AGK: variants seen among roughly 807,000 people sequenced by gnomAD.
The protein encoded by AGK is acylglycerol kinase.
In AGK, 52 loss-of-function variants were observed where a neutral mutation model predicts 66.4. The ratio of observed to expected loss-of-function variants is 0.78; its 90% CI spans 0.63 to 0.99. The LOEUF (loss-of-function observed/expected upper bound fraction) is 0.99, where lower values mean the gene tolerates loss of function less well. AGK is among the 50% of genes least tolerant of loss of function. The probability of loss-of-function intolerance (pLI) is 0.00; values close to 1 mark genes in which losing one functional copy is unlikely to be tolerated. For missense variants in AGK, 451 were observed against 506.6 expected, an observed-to-expected ratio of 0.89 and a Z score of 1.05; for synonymous variants, 182 against 181.1, an observed-to-expected ratio of 1.00 and a Z score of -0.04.
At chr7:141,573,985 G>T (rs1460861538) in intron 2 of AGK, among the ~76,000 whole-genome samples, 1 of 151,948 alleles carries the variant, frequency 6.6e-6, no homozygotes, top group African/African-American at 2.4e-5. Flanking sequence ...TACCTTGTAT[G>T]TAATTGAGTC....
chr7:141,641,159 G>T, intron 11 of AGK, 89 bp from the exon 12 acceptor site: 1 of 1,259,080 alleles, frequency 7.9e-7, no homozygotes, highest in East Asian at 2.3e-5. Flanking sequence ...AGCAGGTATA[G>T]GTAGACAAAT....
intron 10 of AGK, among the ~76,000 whole-genome samples, chr7:141,635,176 C>T (rs1181610348): frequency 6.6e-6 from 1 of 152,086 alleles, no homozygotes; most frequent in Non-Finnish European, 1.5e-5. Context: ...ATATACTAGC[C>T]CCATATCTCG....
chr7:141,560,888 C>T lies in AGK; in HGVS notation c.101+5321C>T, dbSNP rs548378656. ...CTCGGCTCACTGCAAGCTCCGCCTC[C>T]CGGCTTCATGCCATTCTGCCTCAGC... On this transcript the variant is annotated intron_variant, in intron 2 of 15. Coordinates refer to ENST00000649286, the MANE Select transcript of AGK (RefSeq NM_018238.4). 2.0e-5 allele frequency among the ~76,000 whole-genome samples: 3 copies of T among 151,892 alleles called. No homozygotes were observed. In the East Asian group the frequency reaches 5.8e-4, roughly 29 times the overall value.
Position 141,648,239 on chromosome 7 carries a change from T to A in AGK, c.976-1024T>A, listed in dbSNP as rs1223773884. Reference sequence around the variant, plus strand: ...CTCTAATATAGTTGTGGCATCCTTATCTTCTAACAGAGTTTATAATTTACT... The same window carrying A: ...CTCTAATATAGTTGTGGCATCCTTAACTTCTAACAGAGTTTATAATTTACT... On this transcript the variant is annotated intron_variant, in intron 13 of 15. Coordinates refer to ENST00000649286, the MANE Select transcript of AGK (RefSeq NM_018238.4). Among the ~76,000 whole-genome samples, 3 of 152,214 alleles carry A rather than the reference T, an allele frequency of 2.0e-5. 1 individual carries two copies. The highest frequency in any genetic ancestry group is 2.0e-4 in the Admixed American group (3 of 15,276).
intron 5 of AGK, among the ~76,000 whole-genome samples, chr7:141,606,640 C>T (rs1320687525): frequency 6.6e-6 from 1 of 152,180 alleles, no homozygotes; most frequent in Non-Finnish European, 1.5e-5. Flanking sequence ...AGCCATTATT[C>T]ATGCATTATT....
In AGK at chr7:141,636,975, G is replaced by A. The variant is rs150732826; in HGVS notation, c.684G>A (p.Gly228=). 105 of 1,611,962 alleles carry A rather than the reference G, an allele frequency of 6.5e-5. No individual in the cohort carries two copies. The highest frequency in any genetic ancestry group is 8.3e-5 in the Non-Finnish European group (98 of 1,178,980). Residue 228 remains glycine (G), a synonymous_variant, in exon 11 of 16, where the codon GGG becomes GGA. Coordinates refer to ENST00000649286, the MANE Select transcript of AGK (RefSeq NM_018238.4). ...GVKVSKYWYL[G]PLKIKAAHFF... ...CTTTTCACAGGTACTGGTATCTTGG[G>A]CCTCTAAAAATCAAAGCAGCCCACT...
intron 2 of AGK, among the ~76,000 whole-genome samples, chr7:141,561,420 G>T (rs906298252): frequency 6.6e-6 from 1 of 151,972 alleles, no homozygotes; most frequent in Non-Finnish European, 1.5e-5. Flanking sequence ...CCATATCCAT[G>T]CCAACATCTG....
chr7:141,649,527 TG>T (rs1243009571), intron 14 of AGK, among the ~76,000 whole-genome samples, 194 bp downstream of exon 14: 1 of 152,202 alleles, frequency 6.6e-6, no homozygotes, highest in East Asian at 1.9e-4. Context: ...GTTCATTTTG[TG>T]GGGATCAGAA....
chr7:141,593,829 G>A (rs1393130369), intron 3 of AGK: 1 of 154,612 alleles, frequency 6.5e-6, no homozygotes, highest in Admixed American at 6.5e-5. Context: ...TTGAGCTTAT[G>A]ATGTCAGAAA....
intron 8 of AGK, among the ~76,000 whole-genome samples, chr7:141,620,063 G>GA (rs948629448): frequency 1.3e-5 from 2 of 150,912 alleles, no homozygotes; most frequent in Non-Finnish European, 3.0e-5. Flanking sequence ...CATGCTAAGA[G>GA]AAAAAAACTG....
At chr7:141,573,796 G>A (rs35231229) in intron 2 of AGK, among the ~76,000 whole-genome samples, 7,465 of 152,194 alleles carry the variant, frequency 0.049, 309 homozygotes, top group South Asian at 0.15. Flanking sequence ...GTAGCTGTCA[G>A]GAGCTCTATG....
rs1797653023 is a variant in AGK at position 141,654,771 on chromosome 7, A to AGAT, written c.*1848_*1850dup. On this transcript the variant is annotated 3_prime_UTR_variant, in exon 16 of 16. Coordinates refer to ENST00000649286, the MANE Select transcript of AGK (RefSeq NM_018238.4). ...CTCTCTCTCAGGCAGATCCCTTTTA[A>AGAT]GATACATACACCATGCCCACACATC... The AGAT allele has an allele frequency of 6.6e-6, 1 of 152,242 alleles. No homozygotes were observed. The highest frequency in any genetic ancestry group is 2.4e-5 in the African/African-American group (1 of 41,418). The allele number at this position is 152,242 out of a possible 1,614,324, so 9.4% of individuals were successfully genotyped here.
intron 9 of AGK, among the ~76,000 whole-genome samples, chr7:141,627,925 A>C (rs569392921): frequency 6.6e-6 from 1 of 152,338 alleles, no homozygotes; most frequent in East Asian, 1.9e-4. Flanking sequence ...TCTGTCACCC[A>C]GGCTGAAGTG....
At chr7:141,614,284 C>A in intron 7 of AGK, 106 bp downstream of exon 7, 1 of 787,748 alleles carries the variant, frequency 1.3e-6, no homozygotes, top group Non-Finnish European at 1.9e-6. Flanking sequence ...AAAACGGGTA[C>A]AAATTGTGCT....
intron 2 of AGK, among the ~76,000 whole-genome samples, chr7:141,575,223 A>C (rs1401861980): frequency 2.6e-5 from 4 of 152,216 alleles, no homozygotes; most frequent in Non-Finnish European, 4.4e-5. Flanking sequence ...AGAGAAGCAG[A>C]GTATTGAGGG....
chr7:141,575,585 A>C (rs901130827), intron 2 of AGK, among the ~76,000 whole-genome samples: 1 of 144,312 alleles, frequency 6.9e-6, no homozygotes, highest in African/African-American at 2.6e-5. Flanking sequence ...ATTTCTAAGG[A>C]CTCTTCCAAT....
intron 2 of AGK, among the ~76,000 whole-genome samples, chr7:141,556,608 T>C (rs914204176): frequency 6.6e-6 from 1 of 152,110 alleles, no homozygotes; most frequent in Non-Finnish European, 1.5e-5. Context: ...TTGACTGTTT[T>C]TCTTTAGCTT....
At chr7:141,623,390 AAAG>A (rs1325620032) in intron 9 of AGK, among the ~76,000 whole-genome samples, 1 of 150,552 alleles carries the variant, frequency 6.6e-6, no homozygotes, top group African/African-American at 2.4e-5. Flanking sequence ...AAAAAAAAAA[AAAG>A]AAAAAAAAAA....
Position 141,654,903 on chromosome 7 carries a change from G to C in AGK, c.*1979G>C, listed in dbSNP as rs1177376738. On this transcript the variant is annotated 3_prime_UTR_variant, in exon 16 of 16. Transcript: ENST00000649286. ...TTCTTATTTCATACTGTATTCTTCA[G>C]GGTGGTAAAATTTCTGCTTTTGGCA... The C allele has an allele frequency of 6.6e-6, 1 of 152,180 alleles. No homozygotes were observed. The highest frequency in any genetic ancestry group is 1.5e-5 in the Non-Finnish European group (1 of 68,042). The allele number at this position is 152,180 out of a possible 1,614,324, so 9.4% of individuals were successfully genotyped here. A position where few individuals can be genotyped will look rare whatever the true frequency, so the allele number is the denominator to read the frequency against.
Sources: allele counts gnomAD v4.1 joint callset (sites outside exome capture counted in the v4.1 genomes callset), GRCh38; gene constraint gnomAD v4.1.1; transcripts MANE v1.5; gene names NCBI Gene and HGNC (gene_info 2026-07-23, HGNC 2026-07-21).